Variants in TGFBRAP1 observed in about 807,000 individuals in gnomAD.
TGFBRAP1 encodes transforming growth factor-beta receptor-associated protein 1.
In TGFBRAP1, 20 loss-of-function variants were observed where a neutral mutation model predicts 83.2. The ratio of observed to expected loss-of-function variants is 0.24; its 90% CI spans 0.17 to 0.35. The LOEUF (loss-of-function observed/expected upper bound fraction) is 0.35, where lower values mean the gene tolerates loss of function less well. Among genes scored for constraint, TGFBRAP1 ranks in the 10% least tolerant of loss-of-function variants. The pLI, the probability that TGFBRAP1 is intolerant of heterozygous loss-of-function variation, is 1.00. For missense variants in TGFBRAP1, 950 were observed against 1,099.4 expected (o/e 0.86, Z 1.92); for synonymous variants, 415 against 459.8 (o/e 0.90, Z 1.25).
chr2:105,275,622 A>G lies in TGFBRAP1; in HGVS notation c.1603T>C (p.Tyr535His). ...LYEYIVDFLT[Y>H]CLDEELVWAY... ...CACACTAGTTCCTCGTCTAAGCAGT[A>G]GGTAAGAAAATCCACGATGTATTCA... is the stretch of plus-strand genomic sequence containing the variant. Residue 535 changes from tyrosine to histidine, a missense_variant, in exon 8 of 12, where the codon TAC becomes CAC. Coordinates refer to ENST00000393359, the MANE Select transcript of TGFBRAP1 (RefSeq NM_004257.6). 6.2e-7 allele frequency: 1 copy of G among 1,614,212 alleles called. No homozygotes were observed. Among genetic ancestry groups the G allele is most frequent in the Non-Finnish European group, 8.5e-7 (1 of 1,180,036 alleles).
chr2:105,302,712 C>T (rs894532071), intron 2 of TGFBRAP1, among the ~76,000 whole-genome samples: 13 of 152,128 alleles, frequency 8.5e-5, no homozygotes, highest in African/African-American at 2.9e-4. Context: ...ACCTCTTTGA[C>T]GATATCTTGC....
At chr2:105,284,243 C>T in intron 5 of TGFBRAP1, 73 bp downstream of exon 5, 1 of 1,437,630 alleles carries the variant, frequency 7.0e-7, no homozygotes, top group Non-Finnish European at 9.8e-7. Flanking sequence ...ACCGCGACGT[C>T]ACACCAGAAA....
chr2:105,272,970 C>T lies in TGFBRAP1; in HGVS notation c.1857G>A (p.Glu619=). The change falls in exon 10 of 12, where the codon GAG becomes GAA. Residue 619 remains glutamate (E), a synonymous_variant. Transcript: ENST00000393359. ...HTHLAVLYLE[E]VLLQRASASG... is the part of the protein sequence containing the mutation. The stretch of plus-strand genomic sequence containing the variant: ...TGGCGGAGGCCCTCTGCAGCAGCAC[C>T]TCTTCCAGGTACAGCACAGCTAAGT... 1.2e-6 allele frequency: 2 copies of T among 1,613,768 alleles called. No homozygotes were observed. Among genetic ancestry groups the T allele is most frequent in the Non-Finnish European group, 8.5e-7 (1 of 1,180,014 alleles).
intron 2 of TGFBRAP1, among the ~76,000 whole-genome samples, chr2:105,302,473 T>C (rs7603235): frequency 0.047 from 7,173 of 152,142 alleles, 201 homozygotes; most frequent in African/African-American, 0.074. Context: ...AGCAGAATAG[T>C]GCGCAGCTAT....
rs11389565 is a variant in TGFBRAP1 at position 105,311,145 on chromosome 2, TA to T, written c.-17-2828del. On this transcript the variant is annotated intron_variant, in intron 1 of 11. Transcript: ENST00000393359. ...AGAAGGGGAGAGGGAGAGAGAGCTG[TA>T]AAAAAAAAAAAAAAACAAAAAACAA... Among the ~76,000 whole-genome samples, 964 of 125,478 alleles carry T rather than the reference TA, an allele frequency of 7.7e-3. 8 individuals are homozygous for T. Among genetic ancestry groups the T allele is most frequent in the African/African-American group, 0.014 (438 of 32,234 alleles). 82.3% of individuals were successfully genotyped at this position (125,478 alleles called of 152,430 possible).
chr2:105,250,207 A>G, the TGFBRAP1 span, among the ~76,000 whole-genome samples: 3 of 152,278 alleles, frequency 2.0e-5, no homozygotes, highest in East Asian at 1.9e-4. Context: ...AAACACTTAG[A>G]TGAGACCAGA....
intron 1 of TGFBRAP1, among the ~76,000 whole-genome samples, chr2:105,317,474 C>A (rs999300432): frequency 6.6e-6 from 1 of 151,502 alleles, no homozygotes; most frequent in African/African-American, 2.4e-5. Flanking sequence ...TACCTCACAC[C>A]ACACATCAAA....
At chr2:105,275,352 T>C (rs1488134142) in intron 8 of TGFBRAP1, among the ~76,000 whole-genome samples, 1 of 152,236 alleles carries the variant, frequency 6.6e-6, no homozygotes, top group Non-Finnish European at 1.5e-5. Context: ...CTCAATGGAA[T>C]GTCTCAGCAG....
At chr2:105,264,036 T>C (rs1195275953), downstream of TGFBRAP1, among the ~76,000 whole-genome samples, 2 of 152,056 alleles carry the variant, frequency 1.3e-5, no homozygotes, top group East Asian at 1.9e-4. Flanking sequence ...TCAACAACAG[T>C]GTAGGGGATG....
At chr2:105,270,798 T>G (rs1024580776) in intron 10 of TGFBRAP1, among the ~76,000 whole-genome samples, 11 of 152,224 alleles carry the variant, frequency 7.2e-5, no homozygotes, top group Non-Finnish European at 1.6e-4. Flanking sequence ...GTTAAGACCC[T>G]GGGTGAGGTA....
chr2:105,298,785 C>G (rs753269398), intron 2 of TGFBRAP1, 80 bp from the exon 3 acceptor site: 93 of 1,354,484 alleles, frequency 6.9e-5, no homozygotes, highest in Non-Finnish European at 8.8e-5. Flanking sequence ...TGGATGCAGA[C>G]CGACCCCTGC....
chr2:105,296,587 G>T, intron 3 of TGFBRAP1, 77 bp from the exon 4 acceptor site: 1 of 1,495,648 alleles, frequency 6.7e-7, no homozygotes, highest in South Asian at 1.3e-5. Flanking sequence ...TCCCCAAACT[G>T]GATCATTACC....
At chr2:105,298,380 A>G (rs767482824) in intron 3 of TGFBRAP1, 131 bp downstream of exon 3, 20 of 920,984 alleles carry the variant, frequency 2.2e-5, no homozygotes, top group Non-Finnish European at 3.1e-5. Flanking sequence ...CCTGAAGCAC[A>G]GAGACTGTAT....
At chr2:105,302,009 TAAA>T (rs35548542) in intron 2 of TGFBRAP1, among the ~76,000 whole-genome samples, 2 of 75,082 alleles carry the variant, frequency 2.7e-5, no homozygotes, top group East Asian at 3.9e-4. Flanking sequence ...TAAAGAATAC[TAAA>T]AAAAAAAAAA....
chr2:105,251,067 G>A, the TGFBRAP1 span, among the ~76,000 whole-genome samples: 111 of 152,234 alleles, frequency 7.3e-4, no homozygotes, highest in African/African-American at 2.5e-3. Flanking sequence ...GCCTCTGCCC[G>A]GCCGCCACCC....
intron 6 of TGFBRAP1, 136 bp downstream of exon 6, chr2:105,280,246 G>A (rs142211630): frequency 6.8e-5 from 59 of 866,282 alleles, no homozygotes; most frequent in Middle Eastern, 3.6e-4. Context: ...CTATGATTTC[G>A]TGGCAGTCAC....
intron 11 of TGFBRAP1, 140 bp from the exon 12 acceptor site, chr2:105,267,699 GA>G (rs1362472785): frequency 3.4e-6 from 5 of 1,466,380 alleles, no homozygotes; most frequent in Non-Finnish European, 4.5e-6. Flanking sequence ...TCAACTTCTT[GA>G]AATGAAATGC....
intron 6 of TGFBRAP1, among the ~76,000 whole-genome samples, chr2:105,279,775 C>A (rs1677468080): frequency 6.6e-6 from 1 of 152,120 alleles, no homozygotes; most frequent in Admixed American, 6.6e-5. Context: ...CAGTGGCTCA[C>A]CCCTGTAATC....
chr2:105,282,108 GC>G, intron 5 of TGFBRAP1, among the ~76,000 whole-genome samples: 1 of 152,324 alleles, frequency 6.6e-6, no homozygotes, highest in Non-Finnish European at 1.5e-5. Context: ...GCTGATGTGA[GC>G]CCATGCAACG....
Sources: gnomAD v4.1 joint callset for allele counts (sites outside exome capture counted in the v4.1 genomes callset) on GRCh38, gnomAD v4.1.1 for gene constraint, MANE v1.5 for transcripts, NCBI Gene and HGNC (gene_info 2026-07-23, HGNC 2026-07-21) for gene names.